Variants in IBA57 observed in about 807,000 individuals in gnomAD.
IBA57 encodes the protein iron-sulfur cluster assembly factor IBA57.
Under a neutral mutation model 20.4 loss-of-function variants are expected in IBA57, and 20 were observed. The observed-to-expected ratio is 0.98, with a 90% CI of 0.69 to 1.42. The LOEUF is 1.42. Ranked by LOEUF, IBA57 falls within the 40% of genes most tolerant of loss-of-function variation. IBA57 has a pLI of 0.00. For synonymous variants in IBA57, 310 were observed against 233.9 expected (o/e 1.33, Z -2.97); for missense variants, 608 against 499.3 (o/e 1.22, Z -2.07).
intron 1 of IBA57, among the ~76,000 whole-genome samples, chr1:228,167,964 C>T (rs946961168): frequency 6.6e-6 from 1 of 152,166 alleles, no homozygotes; most frequent in Non-Finnish European, 1.5e-5. Flanking sequence ...AATTCCCTTC[C>T]ATATTTCTAT....
rs141226860 is a variant in IBA57 at position 228,179,015 on chromosome 1, G to A, written c.*3502G>A. 0.024 allele frequency: 3,695 copies of A among 152,252 alleles called. 65 individuals are homozygous for A. The highest frequency in any genetic ancestry group is 0.039 in the Non-Finnish European group (2,685 of 68,030). The allele number at this position is 152,252 out of a possible 1,614,324, so 9.4% of individuals were successfully genotyped here. A position where few individuals can be genotyped will look rare whatever the true frequency, so the allele number is the denominator to read the frequency against. ...ACTGGTGAGGCTGCATTGCGGAGGC[G>A]CGCACACCCAGCTGGGCCCTTATCT... On this transcript the variant is annotated 3_prime_UTR_variant, in exon 3 of 3. Coordinates refer to ENST00000366711, the MANE Select transcript of IBA57 (RefSeq NM_001010867.4).
At position 228,174,789 on chromosome 1, in the gene IBA57, C is replaced by T. The variant is rs776476430; in HGVS notation, c.439C>T (p.Arg147Trp). The part of the protein sequence containing the change: ...QKHLALYRIR[R>W]KVTVEPHPEL... ...GCACCTCGCGCTATACAGGATCCGG[C>T]GGAAGGTCACGGTGGAGCCGCACCC... The change falls in exon 2 of 3, where the codon CGG becomes TGG. Residue 147 changes from arginine to tryptophan, a missense_variant. By Grantham distance (101) the Arg-to-Trp change is moderately radical (BLOSUM62 -3). Coordinates refer to ENST00000366711, the MANE Select transcript of IBA57 (RefSeq NM_001010867.4). The T allele has an allele frequency of 6.2e-6, 10 of 1,610,878 alleles. No individual in the cohort carries two copies. The highest frequency in any genetic ancestry group is 4.4e-5 in the South Asian group (4 of 90,868).
rs1416308622 is a variant in IBA57 at position 228,175,138 on chromosome 1, C to A, written c.696C>A (p.Val232=). The A allele has an allele frequency of 1.9e-6, 3 of 1,612,440 alleles. No individual in the cohort carries two copies. Among genetic ancestry groups the A allele is most frequent in the Non-Finnish European group, 2.5e-6 (3 of 1,179,636 alleles). ...HRYLQGVPEG[V]RDLPPGVALP... ...TCCCTGCAGGCGTTCCTGAGGGGGT[C>A]CGAGACTTGCCTCCTGGGGTGGCCC... The change falls in exon 3 of 3, where the codon GTC becomes GTA. Residue 232 remains valine (V), a synonymous_variant. Transcript: ENST00000366711.
Position 228,166,012 on chromosome 1 carries a change from G to A in IBA57, c.196G>A (p.Ala66Thr), listed in dbSNP as rs1354380256. The change falls in exon 1 of 3, where the codon GCG (alanine) becomes ACG (threonine). Residue 66 changes from alanine to threonine, a missense_variant. Ala to Thr is a moderately conservative substitution (Grantham distance 58). Coordinates refer to ENST00000366711, the MANE Select transcript of IBA57 (RefSeq NM_001010867.4). ...CCTGCTGCGCGTGCGTGGCCCCGAC[G>A]CGGCGCCCTTCCTGCTAGGGCTGCT... ...RTLLRVRGPD[A>T]APFLLGLLTN... 1.3e-6 allele frequency: 2 copies of A among 1,531,818 alleles called. No individual in the cohort carries two copies. The highest frequency in any genetic ancestry group is 2.5e-5 in the East Asian group (1 of 39,996). The allele number at this position is 1,531,818 out of a possible 1,614,324, so 94.9% of individuals were successfully genotyped here. A position where few individuals can be genotyped will look rare whatever the true frequency, so the allele number is the denominator to read the frequency against.
intron 1 of IBA57, chr1:228,172,111 A>G (rs1335421217): frequency 7.2e-6 from 1 of 139,410 alleles, no homozygotes; most frequent in Non-Finnish European, 1.5e-5. Flanking sequence ...TTCACTTCTT[A>G]TTTTGAAATA....
chr1:228,172,999 T>C (rs2034948233), intron 1 of IBA57: 2 of 152,240 alleles, frequency 1.3e-5, no homozygotes, highest in South Asian at 2.1e-4. Context: ...TGTCCTGGAG[T>C]GTGGGCCAGA....
chr1:228,166,213 A>ACCGGCACCCAGGGACAGGG, intron 1 of IBA57, 56 bp downstream of exon 1: 1 of 1,029,308 alleles, frequency 9.7e-7, no homozygotes, highest in Admixed American at 5.1e-5. Flanking sequence ...GTGGCCAGGG[A>ACCGGCACCCAGGGACAGGG]CCGGCACCCA....
At chr1:228,166,718 A>G (rs948100314) in intron 1 of IBA57, among the ~76,000 whole-genome samples, 1 of 152,134 alleles carries the variant, frequency 6.6e-6, no homozygotes, top group Non-Finnish European at 1.5e-5. Context: ...TGACATCACG[A>G]CTGTCAGTGA....
chr1:228,166,361 G>C (rs1261106457), intron 1 of IBA57, among the ~76,000 whole-genome samples: 3 of 152,068 alleles, frequency 2.0e-5, no homozygotes, highest in Non-Finnish European at 4.4e-5. Flanking sequence ...ATTCCACTTG[G>C]GATGGACACC....
In IBA57 at chr1:228,177,935, T is replaced by C. The variant is rs2035050898; in HGVS notation, c.*2422T>C. The C allele has an allele frequency of 1.3e-5, 2 of 152,218 alleles. No individual in the cohort carries two copies. Among genetic ancestry groups the C allele is most frequent in the African/African-American group, 2.4e-5 (1 of 41,446 alleles). The allele number at this position is 152,218 out of a possible 1,614,324, so 9.4% of individuals were successfully genotyped here. A position where few individuals can be genotyped will look rare whatever the true frequency, so the allele number is the denominator to read the frequency against. ...AACACTGGGATCTGCTGAGAGCTGG[T>C]GTAGCCGCTCCAAAACTGCACACTG... is the stretch of plus-strand genomic sequence containing the variant. On this transcript the variant is annotated 3_prime_UTR_variant, in exon 3 of 3. Coordinates refer to ENST00000366711, the MANE Select transcript of IBA57 (RefSeq NM_001010867.4).
chr1:228,176,709 T>TG lies in IBA57; in HGVS notation c.*1202dup, dbSNP rs921024306. On this transcript the variant is annotated 3_prime_UTR_variant, in exon 3 of 3. Coordinates refer to ENST00000366711, the MANE Select transcript of IBA57 (RefSeq NM_001010867.4). The stretch of plus-strand genomic sequence containing the variant: ...AGGCAGGGAGCCTGTGCCGCCATCC[T>TG]GGGGGGCCACAGGTGCTCTCTAGAA... 1.3e-5 allele frequency: 2 copies of TG among 152,324 alleles called. No homozygotes were observed. The highest frequency in any genetic ancestry group is 2.9e-5 in the Non-Finnish European group (2 of 68,110). The allele number at this position is 152,324 out of a possible 1,614,324, so 9.4% of individuals were successfully genotyped here.
At chr1:228,171,707 G>C (rs1349245597) in intron 1 of IBA57, 2 of 155,134 alleles carry the variant, frequency 1.3e-5, no homozygotes, top group Non-Finnish European at 2.8e-5. Flanking sequence ...TTGCCCTGTA[G>C]GGCTCTGCGG....
In IBA57 at chr1:228,181,757, C is replaced by T. The variant is rs982858190; in HGVS notation, c.*6244C>T. The stretch of plus-strand genomic sequence containing the variant: ...TGCCAGGTTCTTGTCATACTGCGTC[C>T]TCGCCAGCGCTTGGTGCTGTCAGTC... On this transcript the variant is annotated 3_prime_UTR_variant, in exon 3 of 3. Coordinates refer to ENST00000366711, the MANE Select transcript of IBA57 (RefSeq NM_001010867.4). 16 of 152,266 alleles carry T rather than the reference C, an allele frequency of 1.1e-4. No individual in the cohort carries two copies. The highest frequency in any genetic ancestry group is 3.9e-4 in the African/African-American group (16 of 41,470). The allele number at this position is 152,266 out of a possible 1,614,324, so 9.4% of individuals were successfully genotyped here.
intron 1 of IBA57, chr1:228,172,236 C>G (rs1454478997): frequency 6.6e-6 from 1 of 152,070 alleles, no homozygotes; most frequent in African/African-American, 2.4e-5. Flanking sequence ...TCTGGGGTCT[C>G]TGGATTTGTG....
At position 228,181,486 on chromosome 1, in the gene IBA57, AAT is replaced by A. The variant is rs1380394993; in HGVS notation, c.*5976_*5977del. On this transcript the variant is annotated 3_prime_UTR_variant, in exon 3 of 3. Coordinates refer to ENST00000366711, the MANE Select transcript of IBA57 (RefSeq NM_001010867.4). ...CTGGCCAGCCTGGGCATCTCCACCC[AAT>A]ATGAGTGATGGCGACTGATTCCCTT... 1 of 152,326 alleles carries A rather than the reference AAT, an allele frequency of 6.6e-6. No homozygotes were observed. The highest frequency in any genetic ancestry group is 2.4e-5 in the African/African-American group (1 of 41,478). 9.4% of individuals were successfully genotyped at this position (152,326 alleles called of 1,614,324 possible). A position where few individuals can be genotyped will look rare whatever the true frequency, so the allele number is the denominator to read the frequency against.
intron 1 of IBA57, among the ~76,000 whole-genome samples, chr1:228,168,774 T>C (rs577985839): frequency 3.7e-4 from 57 of 152,278 alleles, no homozygotes; most frequent in Non-Finnish European, 2.1e-4. Flanking sequence ...AACTCTGGTC[T>C]CCCTTCTGAG....
chr1:228,171,920 TTGTC>T (rs1343039843), intron 1 of IBA57: 2 of 152,440 alleles, frequency 1.3e-5, no homozygotes, highest in East Asian at 3.9e-4. Flanking sequence ...TGGTCCATCT[TTGTC>T]TGCTGACCCC....
chr1:228,167,887 G>A (rs1470697742), intron 1 of IBA57, among the ~76,000 whole-genome samples: 2 of 152,256 alleles, frequency 1.3e-5, no homozygotes, highest in East Asian at 3.9e-4. Flanking sequence ...TGATTCTCTG[G>A]AGCCTTCTAT....
rs780094485 is a variant in IBA57 at position 228,174,670 on chromosome 1, G to A, written c.342-22G>A. The A allele has an allele frequency of 3.3e-6, 5 of 1,507,416 alleles. No individual in the cohort carries two copies. The African/African-American group carries it at 4.1e-5, about 12-fold the overall frequency. 93.4% of individuals were successfully genotyped at this position (1,507,416 alleles called of 1,614,324 possible). A position where few individuals can be genotyped will look rare whatever the true frequency, so the allele number is the denominator to read the frequency against. ...CCACTCAGTTGGTGAGCTGCCATGC[G>A]CCCCTGCCTCTCTCCCTGCAGGCTC... is the stretch of plus-strand genomic sequence containing the variant. On this transcript the variant is annotated intron_variant, in intron 1 of 2. Transcript: ENST00000366711.
Sources: allele counts gnomAD v4.1 joint callset (sites outside exome capture counted in the v4.1 genomes callset), GRCh38; gene constraint gnomAD v4.1.1; transcripts MANE v1.5; gene names NCBI Gene and HGNC (gene_info 2026-07-23, HGNC 2026-07-21).